SLC4A4: variants seen among roughly 807,000 people sequenced by gnomAD.
SLC4A4 encodes the protein electrogenic sodium bicarbonate cotransporter 1.
A neutral mutation model predicts 111.5 loss-of-function variants in SLC4A4; 27 were observed. The ratio of observed to expected loss-of-function variants is 0.24; its 90% confidence interval spans 0.18 to 0.33. The LOEUF (loss-of-function observed/expected upper bound fraction) is 0.33, where lower values mean the gene tolerates loss of function less well. SLC4A4 is among the 10% of genes least tolerant of loss of function. The pLI, the probability that SLC4A4 is intolerant of heterozygous loss-of-function variation, is 1.00. For missense variants in SLC4A4, 909 were observed against 1,315.5 expected, an observed-to-expected ratio of 0.69 and a Z score of 4.78; for synonymous variants, 443 against 463.4, an observed-to-expected ratio of 0.96 and a Z score of 0.57.
intron 3 of SLC4A4, among the ~76,000 whole-genome samples, chr4:71,263,037 C>T (rs1391771910): frequency 4.8e-5 from 7 of 146,298 alleles, no homozygotes; most frequent in African/African-American, 1.0e-4. Context: ...CAACAGGCCC[C>T]GGTGTGTGAT....
intron 2 of SLC4A4, among the ~76,000 whole-genome samples, chr4:71,113,115 C>G (rs1483988535): frequency 6.6e-6 from 1 of 152,254 alleles, no homozygotes; most frequent in South Asian, 2.1e-4. Flanking sequence ...TGAGCTTGAC[C>G]ATAATGAAGA....
At chr4:71,203,881 C>T (rs1746364406) in intron 1 of SLC4A4, among the ~76,000 whole-genome samples, 1 of 151,712 alleles carries the variant, frequency 6.6e-6, no homozygotes, top group Non-Finnish European at 1.5e-5. Context: ...ATTTTAATCA[C>T]TCACAAAGTT....
At chr4:71,494,482 T>TAA (rs61225400) in intron 15 of SLC4A4, among the ~76,000 whole-genome samples, 3 of 147,342 alleles carry the variant, frequency 2.0e-5, no homozygotes, top group African/African-American at 4.9e-5. Context: ...CCTGGCTAAT[T>TAA]AAAAAAAAAA....
intron 2 of SLC4A4, among the ~76,000 whole-genome samples, chr4:71,159,004 A>G (rs1284907413): frequency 6.6e-6 from 1 of 152,244 alleles, no homozygotes; most frequent in Non-Finnish European, 1.5e-5. Context: ...TTTATTAAAA[A>G]TATATGTTGT....
intron 1 of SLC4A4, among the ~76,000 whole-genome samples, chr4:71,080,282 G>A (rs975846875): frequency 6.6e-6 from 1 of 152,006 alleles, no homozygotes; most frequent in Non-Finnish European, 1.5e-5. Context: ...CCCTCTCCTG[G>A]AGTCAGGGCT....
intron 6 of SLC4A4, among the ~76,000 whole-genome samples, chr4:71,361,993 A>G (rs1305848320): frequency 6.6e-6 from 1 of 152,130 alleles, no homozygotes; most frequent in African/African-American, 2.4e-5. Flanking sequence ...TACTTTTTAT[A>G]TGTATTGTCT....
chr4:71,324,713 T>C (rs1727377108), intron 3 of SLC4A4, among the ~76,000 whole-genome samples: 1 of 152,066 alleles, frequency 6.6e-6, no homozygotes, highest in Non-Finnish European at 1.5e-5. Flanking sequence ...CTTATAGATA[T>C]GACCTGAATC....
chr4:71,557,895 C>A lies in SLC4A4; in HGVS notation c.2937+10C>A. 6.2e-7 allele frequency: 1 copy of A among 1,605,022 alleles called. No homozygotes were observed. Among genetic ancestry groups the A allele is most frequent in the South Asian group, 1.1e-5 (1 of 90,896 alleles). On this transcript the variant is annotated intron_variant, in intron 22 of 25. Coordinates refer to ENST00000264485, the MANE Select transcript of SLC4A4 (RefSeq NM_001098484.3). ...CATTTTTCCAGTAATGGTAGGGATT[C>A]CTTTAATTGAACGTACCTGTGAGAT... is the stretch of plus-strand genomic sequence containing the variant.
rs926859092 is a variant in SLC4A4 at position 71,571,183 on chromosome 4, T to C, written c.*3432T>C. The stretch of plus-strand genomic sequence containing the variant: ...CTTGAAATGTATTGACTGCTGACTA[T>C]ATTTTAAAAACAAAATGAAATAATT... On this transcript the variant is annotated 3_prime_UTR_variant, in exon 26 of 26. Transcript: ENST00000264485. 5.3e-5 allele frequency: 8 copies of C among 152,296 alleles called. No homozygotes were observed. Among genetic ancestry groups the C allele is most frequent in the African/African-American group, 1.9e-4 (8 of 41,396 alleles). 9.4% of individuals were successfully genotyped at this position (152,296 alleles called of 1,614,324 possible).
At chr4:71,113,807 T>C (rs1166980446) in intron 2 of SLC4A4, among the ~76,000 whole-genome samples, 1 of 152,216 alleles carries the variant, frequency 6.6e-6, no homozygotes, top group Non-Finnish European at 1.5e-5. Flanking sequence ...AAATTAAATC[T>C]GTTAAACATT....
At chr4:71,380,092 G>A (rs193137001) in intron 6 of SLC4A4, among the ~76,000 whole-genome samples, 81 of 152,184 alleles carry the variant, frequency 5.3e-4, no homozygotes, top group Admixed American at 2.9e-3. Flanking sequence ...TCTTCATATC[G>A]CCCAAAAAAC....
chr4:71,442,545 A>G (rs1460093613), intron 8 of SLC4A4, among the ~76,000 whole-genome samples: 1 of 152,150 alleles, frequency 6.6e-6, no homozygotes, highest in Non-Finnish European at 1.5e-5. Context: ...GGTCATTTAC[A>G]GTGGCTGCAT....
At chr4:71,334,380 A>G (rs76720264) in intron 3 of SLC4A4, among the ~76,000 whole-genome samples, 1 of 152,000 alleles carries the variant, frequency 6.6e-6, no homozygotes, top group Non-Finnish European at 1.5e-5. Flanking sequence ...CTAAGCTGGT[A>G]TCCAAGTTGG....
At chr4:71,254,365 G>A (rs1721286941) in intron 2 of SLC4A4, among the ~76,000 whole-genome samples, 1 of 151,978 alleles carries the variant, frequency 6.6e-6, no homozygotes, top group African/African-American at 2.4e-5. Context: ...TGTCAGTTTT[G>A]CAGCTCCTTC....
intron 2 of SLC4A4, among the ~76,000 whole-genome samples, chr4:71,246,048 GGTTA>G (rs1720634185): frequency 6.6e-6 from 1 of 152,170 alleles, no homozygotes; most frequent in Non-Finnish European, 1.5e-5. Context: ...TGGGTGTCAT[GGTTA>G]GTTGGGAATA....
At chr4:71,308,400 A>C (rs923367635) in intron 3 of SLC4A4, among the ~76,000 whole-genome samples, 1 of 152,214 alleles carries the variant, frequency 6.6e-6, no homozygotes, top group Non-Finnish European at 1.5e-5. Flanking sequence ...TTACTGGCAC[A>C]TAATAGTCAT....
At chr4:71,239,510 C>CA (rs1365577598) in intron 2 of SLC4A4, among the ~76,000 whole-genome samples, 1 of 152,164 alleles carries the variant, frequency 6.6e-6, no homozygotes, top group Non-Finnish European at 1.5e-5. Context: ...ACCACGCCCT[C>CA]AGTTCACCTT....
chr4:71,066,681 CT>C (rs1741525347), intron 1 of SLC4A4, among the ~76,000 whole-genome samples: 1 of 152,156 alleles, frequency 6.6e-6, no homozygotes, highest in African/African-American at 2.4e-5. Flanking sequence ...CAAGTTCTTT[CT>C]TCTCTTTGAT....
chr4:71,265,503 C>A (rs1274587954), intron 3 of SLC4A4, among the ~76,000 whole-genome samples: 3 of 151,962 alleles, frequency 2.0e-5, no homozygotes, highest in Admixed American at 6.6e-5. Context: ...GAGAAAGAAG[C>A]AGAGGAAGTA....
Sources: allele counts gnomAD v4.1 joint callset (sites outside exome capture counted in the v4.1 genomes callset), GRCh38; gene constraint gnomAD v4.1.1; transcripts MANE v1.5; gene names NCBI Gene and HGNC (gene_info 2026-07-23, HGNC 2026-07-21).